Variants in SLIT3 observed in about 807,000 individuals in gnomAD.
SLIT3 encodes slit homolog 3 protein.
In SLIT3, 68 loss-of-function variants were observed where a neutral mutation model predicts 184.0. The ratio of observed to expected loss-of-function variants is 0.37; its 90% CI spans 0.30 to 0.45. The LOEUF (loss-of-function observed/expected upper bound fraction) is 0.45. Ranked by LOEUF, SLIT3 falls within the 20% of genes least tolerant of loss-of-function variation. The pLI is 1.00. For missense variants in SLIT3, 1,707 were observed against 2,026.0 expected, an observed-to-expected ratio of 0.84 and a Z score of 3.02; for synonymous variants, 831 against 828.6, an observed-to-expected ratio of 1.00 and a Z score of -0.05.
chr5:168,693,440 A>G (rs1180169678), intron 28 of SLIT3, among the ~76,000 whole-genome samples: 1 of 152,224 alleles, frequency 6.6e-6, no homozygotes, highest in Non-Finnish European at 1.5e-5. Context: ...ATAAACACCC[A>G]GGGATGGCCC....
chr5:169,195,677 C>G (rs1763718950), intron 3 of SLIT3, among the ~76,000 whole-genome samples: 1 of 152,268 alleles, frequency 6.6e-6, no homozygotes, highest in East Asian at 1.9e-4. Flanking sequence ...CAGGTACACA[C>G]CACCATGCCT....
chr5:168,842,431 A>T (rs1434242887), intron 6 of SLIT3, among the ~76,000 whole-genome samples: 2 of 148,528 alleles, frequency 1.3e-5, no homozygotes, highest in East Asian at 3.9e-4. Flanking sequence ...TAAAGCTTCA[A>T]CTTGGAGACA....
intron 3 of SLIT3, among the ~76,000 whole-genome samples, chr5:169,210,443 T>C (rs1764225137): frequency 6.6e-6 from 1 of 151,882 alleles, no homozygotes; most frequent in Non-Finnish European, 1.5e-5. Context: ...TTAAAGAAAA[T>C]AATTTGAGTA....
At chr5:169,034,905 C>A (rs1381310019) in intron 4 of SLIT3, among the ~76,000 whole-genome samples, 1 of 144,612 alleles carries the variant, frequency 6.9e-6, no homozygotes, top group Admixed American at 6.9e-5. Context: ...AGCCACCACG[C>A]CCAGCTAGTG....
chr5:168,775,857 G>A (rs867249372), intron 12 of SLIT3, among the ~76,000 whole-genome samples: 11 of 152,244 alleles, frequency 7.2e-5, no homozygotes, highest in Middle Eastern at 3.4e-3. Flanking sequence ...GAAAGCAGAG[G>A]ATGCCACGAG....
chr5:168,736,409 TC>T (rs1228547652), intron 20 of SLIT3, among the ~76,000 whole-genome samples: 2 of 152,192 alleles, frequency 1.3e-5, no homozygotes, highest in African/African-American at 4.8e-5. Flanking sequence ...GATCAACCCC[TC>T]CAGCTGGCTG....
At chr5:168,860,795 AG>A (rs373018246) in intron 5 of SLIT3, among the ~76,000 whole-genome samples, 3 of 152,194 alleles carry the variant, frequency 2.0e-5, no homozygotes, top group African/African-American at 7.2e-5. Context: ...GCCATTCTTA[AG>A]CTGTTTCCCC....
intron 4 of SLIT3, among the ~76,000 whole-genome samples, chr5:169,061,421 A>AG (rs1281169964): frequency 6.6e-6 from 1 of 152,192 alleles, no homozygotes; most frequent in Non-Finnish European, 1.5e-5. Flanking sequence ...TTCTCCCCTC[A>AG]ATCAGCCATA....
chr5:169,131,407 G>A (rs1228562282), intron 4 of SLIT3, among the ~76,000 whole-genome samples: 2 of 152,116 alleles, frequency 1.3e-5, no homozygotes, highest in African/African-American at 4.8e-5. Context: ...CCCAGCAATA[G>A]GTATTCTAAC....
intron 32 of SLIT3, among the ~76,000 whole-genome samples, chr5:168,676,873 C>T (rs1362293561): frequency 6.6e-6 from 1 of 152,234 alleles, no homozygotes; most frequent in Admixed American, 6.5e-5. Flanking sequence ...ATACCACCTA[C>T]TCCTGCCTGG....
At chr5:169,046,127 C>G (rs2113041083) in intron 4 of SLIT3, among the ~76,000 whole-genome samples, 1 of 152,210 alleles carries the variant, frequency 6.6e-6, no homozygotes, top group Non-Finnish European at 1.5e-5. Context: ...AGACCCCTTC[C>G]CTACCCCCCA....
intron 4 of SLIT3, among the ~76,000 whole-genome samples, chr5:168,969,688 G>A (rs1039730484): frequency 2.0e-5 from 3 of 152,154 alleles, no homozygotes; most frequent in Non-Finnish European, 2.9e-5. Context: ...AAATGGGAAC[G>A]AGACACCTTG....
chr5:168,857,267 A>G (rs77393266), intron 5 of SLIT3, among the ~76,000 whole-genome samples: 2,629 of 152,262 alleles, frequency 0.017, 73 homozygotes, highest in African/African-American at 0.06. Context: ...AAGGGGAAAT[A>G]AGTGCATTGT....
intron 4 of SLIT3, among the ~76,000 whole-genome samples, chr5:169,149,373 C>A (rs1025200742): frequency 6.9e-6 from 1 of 145,488 alleles, no homozygotes; most frequent in African/African-American, 2.5e-5. Context: ...GGTAATTCTC[C>A]TTGATTAATT....
intron 4 of SLIT3, among the ~76,000 whole-genome samples, chr5:169,128,235 TAC>T (rs1021877690): frequency 3.4e-5 from 5 of 147,958 alleles, no homozygotes; most frequent in South Asian, 2.1e-4. Context: ...ATTATATATA[TAC>T]ACACACACAC....
intron 1 of SLIT3, among the ~76,000 whole-genome samples, chr5:169,296,421 T>C (rs544240717): frequency 5.8e-4 from 89 of 152,280 alleles, no homozygotes; most frequent in Non-Finnish European, 1.1e-3. Context: ...CACAGCACCA[T>C]GGAGGCTATA....
intron 20 of SLIT3, among the ~76,000 whole-genome samples, chr5:168,730,388 A>G (rs1164620636): frequency 6.6e-6 from 1 of 152,122 alleles, no homozygotes; most frequent in African/African-American, 2.4e-5. Flanking sequence ...CTTAATAGAC[A>G]TTTACAGAAA....
At chr5:169,094,140 G>C (rs1220917469) in intron 4 of SLIT3, among the ~76,000 whole-genome samples, 2 of 152,184 alleles carry the variant, frequency 1.3e-5, no homozygotes, top group East Asian at 3.9e-4. Flanking sequence ...TTGGAGCCAG[G>C]ATTTGAGTCC....
intron 5 of SLIT3, among the ~76,000 whole-genome samples, chr5:168,879,684 A>G (rs564285079): frequency 2.0e-5 from 3 of 152,336 alleles, no homozygotes; most frequent in Admixed American, 1.3e-4. Flanking sequence ...TTCAACCAGC[A>G]GGAACTGGAC....
Sources: allele counts gnomAD v4.1 joint callset (sites outside exome capture counted in the v4.1 genomes callset), GRCh38; gene constraint gnomAD v4.1.1; transcripts MANE v1.5; gene names NCBI Gene and HGNC (gene_info 2026-07-23, HGNC 2026-07-21).